ADAMTSL3: variants seen among roughly 807,000 people sequenced by gnomAD.
ADAMTSL3 encodes ADAMTS like 3.
ADAMTSL3 carries 128 observed loss-of-function variants against 201.7 expected under a neutral mutation model. The ratio of observed to expected loss-of-function variants is 0.63; its 90% CI spans 0.55 to 0.73. ADAMTSL3 has a LOEUF of 0.73. ADAMTSL3 is among the 30% of genes least tolerant of loss of function. The pLI is 0.00. For synonymous variants in ADAMTSL3, 738 were observed against 748.4 expected, an observed-to-expected ratio of 0.99 and a Z score of 0.23; for missense variants, 1,990 against 2,119.6, an observed-to-expected ratio of 0.94 and a Z score of 1.20.
chr15:84,014,724 GGTAA>G lies in ADAMTSL3; in HGVS notation c.4156+3_4156+6del. On this transcript the variant is annotated splice_donor_variant and splice_donor_region_variant and intron_variant, in intron 24 of 29. Transcript: ENST00000286744. LOFTEE classifies it high-confidence loss of function. ...GGCAACATCTGTACTCCACTTGCTG[GGTAA>G]GTGTCAAATTCTTATTGCTCCTTAA... The G allele has an allele frequency of 1.2e-6, 2 of 1,607,446 alleles. No homozygotes were observed. Among genetic ancestry groups the G allele is most frequent in the Non-Finnish European group, 1.7e-6 (2 of 1,177,606 alleles).
rs532071413 is a variant in ADAMTSL3, at chr15:83,866,891, C to T, written c.803-3911C>T. Among the ~76,000 whole-genome samples the T allele has an allele frequency of 7.9e-5, 12 of 152,296 alleles. No homozygotes were observed. In the East Asian group the frequency reaches 2.3e-3, roughly 29 times the overall value. Reference sequence around the variant, plus strand: ...CAAGAACAGGGCTCAGAAATGTTCCCATTTCTCCAAGAGTGACAAATCTGT... The same window carrying T: ...CAAGAACAGGGCTCAGAAATGTTCCTATTTCTCCAAGAGTGACAAATCTGT... On this transcript the variant is annotated intron_variant, in intron 8 of 29. Coordinates refer to ENST00000286744, the MANE Select transcript of ADAMTSL3 (RefSeq NM_207517.3).
chr15:83,806,962 A>G (rs1044090458), intron 5 of ADAMTSL3, among the ~76,000 whole-genome samples: 30 of 152,236 alleles, frequency 2.0e-4, no homozygotes, highest in African/African-American at 6.8e-4. Context: ...ACTCCAAAGA[A>G]AAGGAAACTT....
At chr15:83,951,003 C>CTTTTTTTTTTT (rs75663059) in intron 19 of ADAMTSL3, among the ~76,000 whole-genome samples, 2 of 133,468 alleles carry the variant, frequency 1.5e-5, no homozygotes, top group African/African-American at 2.7e-5. Context: ...CTTTTCTTTT[C>CTTTTTTTTTTT]TTTTTTTTTT....
intron 2 of ADAMTSL3, among the ~76,000 whole-genome samples, chr15:83,682,911 C>CCCTGGGTG (rs1363572408): frequency 1.3e-5 from 2 of 152,172 alleles, no homozygotes; most frequent in Non-Finnish European, 2.9e-5. Flanking sequence ...TAACTTTTCT[C>CCCTGGGTG]CCTGGGTGAT....
At chr15:83,891,834 A>G (rs1490068184) in intron 12 of ADAMTSL3, among the ~76,000 whole-genome samples, 2 of 152,250 alleles carry the variant, frequency 1.3e-5, no homozygotes, top group Non-Finnish European at 2.9e-5. Context: ...AAGGGTAAAT[A>G]GGGAAGGTAT....
intron 4 of ADAMTSL3, among the ~76,000 whole-genome samples, chr15:83,784,871 T>A: frequency 6.6e-6 from 1 of 152,184 alleles, no homozygotes; most frequent in East Asian, 1.9e-4. Context: ...TGGCAGTTTT[T>A]TTCTTTATAT....
intron 3 of ADAMTSL3, among the ~76,000 whole-genome samples, chr15:83,744,882 A>T (rs1438597222): frequency 6.6e-6 from 1 of 152,040 alleles, no homozygotes; most frequent in Non-Finnish European, 1.5e-5. Context: ...TATTATATCG[A>T]TGGGGACAGG....
chr15:83,933,159 G>A (rs1305435059), intron 17 of ADAMTSL3, among the ~76,000 whole-genome samples: 1 of 152,016 alleles, frequency 6.6e-6, no homozygotes, highest in Non-Finnish European at 1.5e-5. Context: ...GGAGTAAACA[G>A]GTAAAATGGA....
At chr15:83,688,617 G>A (rs915355359) in intron 2 of ADAMTSL3, among the ~76,000 whole-genome samples, 1 of 151,384 alleles carries the variant, frequency 6.6e-6, no homozygotes, top group Non-Finnish European at 1.5e-5. Context: ...ATTGTTTTAG[G>A]TGCATTGAGG....
intron 23 of ADAMTSL3, among the ~76,000 whole-genome samples, chr15:84,007,050 G>C (rs1596528790): frequency 6.6e-6 from 1 of 152,144 alleles, no homozygotes; most frequent in Non-Finnish European, 1.5e-5. Flanking sequence ...AATGGCCCCT[G>C]GGACAGTGTG....
At chr15:83,938,439 A>G (rs2066498602) in intron 17 of ADAMTSL3, among the ~76,000 whole-genome samples, 1 of 152,204 alleles carries the variant, frequency 6.6e-6, no homozygotes, top group Non-Finnish European at 1.5e-5. Context: ...AACGCCTAGA[A>G]CTAGGCTAGA....
intron 2 of ADAMTSL3, among the ~76,000 whole-genome samples, chr15:83,659,998 G>A (rs951415532): frequency 6.6e-6 from 1 of 152,142 alleles, no homozygotes; most frequent in Non-Finnish European, 1.5e-5. Context: ...ATAAACTTAT[G>A]TTGTTTTAAG....
At chr15:83,977,569 A>G (rs2067309088) in intron 20 of ADAMTSL3, among the ~76,000 whole-genome samples, 1 of 152,168 alleles carries the variant, frequency 6.6e-6, no homozygotes, top group African/African-American at 2.4e-5. Context: ...GGTACTGGCA[A>G]TGGTGGTCAG....
intron 7 of ADAMTSL3, among the ~76,000 whole-genome samples, chr15:83,839,794 G>A (rs2064340806): frequency 6.6e-6 from 1 of 152,008 alleles, no homozygotes; most frequent in Non-Finnish European, 1.5e-5. Flanking sequence ...TGTGCAGCTC[G>A]GTGGACATGT....
intron 8 of ADAMTSL3, among the ~76,000 whole-genome samples, chr15:83,863,852 A>T (rs572914505): frequency 6.6e-6 from 1 of 152,332 alleles, no homozygotes; most frequent in East Asian, 1.9e-4. Context: ...AGATCAACAA[A>T]ATTGATAGAC....
chr15:83,692,209 G>A (rs2061618129), intron 2 of ADAMTSL3, among the ~76,000 whole-genome samples: 1 of 151,108 alleles, frequency 6.6e-6, no homozygotes, highest in Non-Finnish European at 1.5e-5. Flanking sequence ...TGCAGGGGTT[G>A]ATGTTAGCAT....
At chr15:83,971,004 T>C (rs774412998) in intron 20 of ADAMTSL3, among the ~76,000 whole-genome samples, 22 of 152,206 alleles carry the variant, frequency 1.4e-4, no homozygotes, top group Non-Finnish European at 3.2e-4. Flanking sequence ...TAATTAAAAG[T>C]AGAAGAGCTA....
intron 4 of ADAMTSL3, among the ~76,000 whole-genome samples, chr15:83,789,395 T>G (rs1424850948): frequency 6.6e-6 from 1 of 152,170 alleles, no homozygotes; most frequent in African/African-American, 2.4e-5. Flanking sequence ...TTTTTCACCT[T>G]GCATAGTCTC....
At chr15:83,687,038 A>ACAAG (rs897572265) in intron 2 of ADAMTSL3, among the ~76,000 whole-genome samples, 2 of 142,648 alleles carry the variant, frequency 1.4e-5, no homozygotes, top group African/African-American at 4.9e-5. Flanking sequence ...AAACAAACAA[A>ACAAG]CAAACAAACA....
Sources: gnomAD v4.1 joint callset for allele counts (sites outside exome capture counted in the v4.1 genomes callset) on GRCh38, gnomAD v4.1.1 for gene constraint, MANE v1.5 for transcripts, NCBI Gene and HGNC (gene_info 2026-07-23, HGNC 2026-07-21) for gene names.